Variants in SIK3 observed in about 807,000 individuals in gnomAD.
SIK3 encodes SIK family kinase 3.
In SIK3, 28 loss-of-function variants were observed where a neutral mutation model predicts 144.2. The ratio of observed to expected loss-of-function variants is 0.19; its 90% confidence interval spans 0.14 to 0.27. The LOEUF (loss-of-function observed/expected upper bound fraction) is 0.27. Ranked by LOEUF, SIK3 falls within the 10% of genes least tolerant of loss-of-function variation. The probability of loss-of-function intolerance (pLI) is 1.00; values close to 1 mark genes in which losing one functional copy is unlikely to be tolerated. For missense variants in SIK3, 1,319 were observed against 1,776.0 expected (o/e 0.74, Z 4.62); for synonymous variants, 686 against 676.3 (o/e 1.01, Z -0.22).
intron 3 of SIK3, among the ~76,000 whole-genome samples, chr11:116,929,233 A>G (rs1947460101): frequency 6.6e-6 from 1 of 152,216 alleles, no homozygotes; most frequent in Non-Finnish European, 1.5e-5. Flanking sequence ...TTCTAATAAT[A>G]TGTTTTAGTT....
At chr11:117,005,423 G>A (rs1408189210) in intron 1 of SIK3, among the ~76,000 whole-genome samples, 2 of 150,498 alleles carry the variant, frequency 1.3e-5, no homozygotes, top group Non-Finnish European at 3.0e-5. Context: ...GGTGGGAGGT[G>A]TTTTTGCAAA....
intron 1 of SIK3, among the ~76,000 whole-genome samples, chr11:117,066,758 T>C (rs1370872516): frequency 6.6e-6 from 1 of 152,164 alleles, no homozygotes; most frequent in African/African-American, 2.4e-5. Context: ...GGTCTCGAAC[T>C]CCTGGCTTCA....
chr11:116,920,748 C>T (rs887107684), intron 4 of SIK3, among the ~76,000 whole-genome samples: 5 of 152,114 alleles, frequency 3.3e-5, no homozygotes, highest in African/African-American at 9.7e-5. Flanking sequence ...AACTTCAGTT[C>T]GACAAAGCTG....
At position 116,867,697 on chromosome 11, in the gene SIK3, A is replaced by T. The variant is rs1203434753; in HGVS notation, c.1952+249T>A. 1 of 364,446 alleles carries T rather than the reference A, an allele frequency of 2.7e-6. No individual in the cohort carries two copies. The allele number at this position is 364,446 out of a possible 1,614,324, so 22.6% of individuals were successfully genotyped here. A position where few individuals can be genotyped will look rare whatever the true frequency, so the allele number is the denominator to read the frequency against. On this transcript the variant is annotated intron_variant, in intron 15 of 24. Transcript: ENST00000445177. This position sits in a 1 kb window ranked among gnomAD's most constrained non-coding sequence, Gnocchi z 4.1. ...ATGAATCAACATCTAGAATCATGGG[A>T]ATCAAATGCAGACAATAAACAGGTC... is the stretch of plus-strand genomic sequence containing the variant.
At chr11:116,983,052 T>C (rs1950204293) in intron 1 of SIK3, among the ~76,000 whole-genome samples, 1 of 151,460 alleles carries the variant, frequency 6.6e-6, no homozygotes, top group South Asian at 2.1e-4. Context: ...TCTTATTTCA[T>C]TTCTTAAAAA....
At chr11:116,953,611 T>C (rs1264303592) in intron 3 of SIK3, among the ~76,000 whole-genome samples, 1 of 152,250 alleles carries the variant, frequency 6.6e-6, no homozygotes, top group Non-Finnish European at 1.5e-5. Flanking sequence ...TATAGTTACA[T>C]GTTATATTTA....
rs145846048 is a variant in SIK3, at chr11:116,859,432, G to C, written c.2598C>G (p.Leu866=). 236 of 1,614,110 alleles carry C rather than the reference G, an allele frequency of 1.5e-4. 1 individual carries two copies. Among genetic ancestry groups the C allele is most frequent in the Non-Finnish European group, 1.9e-4 (219 of 1,180,056 alleles). The part of the protein sequence containing the change: ...TIQVQEPVDM[L]SNMPGTAAGS... ...CTGCAGCTGTGCCTGGCATGTTGCT[G>C]AGCATGTCAACAGGCTCTTGGACTT... The change falls in exon 20 of 25, where the codon CTC becomes CTG. Residue 866 remains leucine (L), a synonymous_variant. Coordinates refer to ENST00000445177, the MANE Select transcript of SIK3 (RefSeq NM_001366686.3).
intron 6 of SIK3, among the ~76,000 whole-genome samples, chr11:116,889,808 G>T (rs888365163): frequency 6.6e-6 from 1 of 152,106 alleles, no homozygotes; most frequent in Admixed American, 6.5e-5. Context: ...GAGGTGGGAG[G>T]ATGGCTTGGG....
At chr11:116,896,201 G>T in intron 6 of SIK3, 52 bp downstream of exon 6, 1 of 1,598,152 alleles carries the variant, frequency 6.3e-7, no homozygotes, top group South Asian at 1.1e-5. Context: ...ATAACTGAGT[G>T]GGTCTAACTT....
chr11:117,073,866 G>A (rs1048960444), intron 1 of SIK3, among the ~76,000 whole-genome samples: 2 of 152,188 alleles, frequency 1.3e-5, no homozygotes, highest in African/African-American at 4.8e-5. Context: ...TACCACAGCT[G>A]CTAAGAAAAT....
intron 1 of SIK3, among the ~76,000 whole-genome samples, chr11:117,064,106 G>A (rs901502248): frequency 1.3e-5 from 2 of 152,160 alleles, no homozygotes; most frequent in African/African-American, 2.4e-5. Context: ...TCAGGATAAA[G>A]CCAGGTCAAA....
In SIK3 at chr11:117,016,399, GGAA is replaced by G. The variant is rs1565559519; in HGVS notation, c.274-59338_274-59336del. On this transcript the variant is annotated intron_variant, in intron 1 of 24. Transcript: ENST00000445177. ...GGGAGGGAGAGAGGGAGGGAGGGAA[GGAA>G]GGAAGGAAGGAAGGAAGGAAGGAAG... is the stretch of plus-strand genomic sequence containing the variant. 3.3e-3 allele frequency among the ~76,000 whole-genome samples: 352 copies of G among 107,964 alleles called. 4 individuals are homozygous for G. The highest frequency in any genetic ancestry group is 9.3e-3 in the East Asian group (16 of 1,714). The allele number at this position is 107,964 out of a possible 152,430, so 70.8% of individuals were successfully genotyped here.
intron 1 of SIK3, among the ~76,000 whole-genome samples, chr11:116,968,391 C>G (rs761783111): frequency 5.9e-5 from 9 of 152,200 alleles, no homozygotes; most frequent in Non-Finnish European, 1.2e-4. Flanking sequence ...ATCCACACAC[C>G]TTGGCCTCCC....
intron 21 of SIK3, 55 bp downstream of exon 21, chr11:116,857,755 A>G: frequency 1.9e-6 from 3 of 1,576,768 alleles, no homozygotes; most frequent in Non-Finnish European, 2.6e-6. Context: ...AACATTACTG[A>G]GTCAGTTGAT....
At position 116,862,196 on chromosome 11, in the gene SIK3, G is replaced by A; in HGVS notation, c.2229+6C>T. Reference sequence around the variant, plus strand: ...AAGTTGGAGAAAGCAAAGAGTGAGGGCCTACTTGAATTTGTTGCTGGAGAA... The same window carrying A: ...AAGTTGGAGAAAGCAAAGAGTGAGGACCTACTTGAATTTGTTGCTGGAGAA... On this transcript the variant is annotated splice_donor_region_variant and intron_variant, in intron 17 of 24. Coordinates refer to ENST00000445177, the MANE Select transcript of SIK3 (RefSeq NM_001366686.3). 6.2e-7 allele frequency: 1 copy of A among 1,614,220 alleles called. No individual in the cohort carries two copies. The highest frequency in any genetic ancestry group is 8.5e-7 in the Non-Finnish European group (1 of 1,180,046).
At chr11:116,953,715 C>A (rs1244185340) in intron 3 of SIK3, among the ~76,000 whole-genome samples, 1 of 152,212 alleles carries the variant, frequency 6.6e-6, no homozygotes, top group African/African-American at 2.4e-5. Context: ...TGAGTTCTGT[C>A]GCACTTGGTA....
At chr11:117,091,004 A>G (rs1671597134) in intron 1 of SIK3, among the ~76,000 whole-genome samples, 1 of 152,202 alleles carries the variant, frequency 6.6e-6, no homozygotes, top group Admixed American at 6.5e-5. Context: ...AGGCAAGGGC[A>G]CTGTTTTCTG....
intron 1 of SIK3, among the ~76,000 whole-genome samples, chr11:117,090,545 A>C (rs1159700685): frequency 6.6e-6 from 1 of 152,266 alleles, no homozygotes; most frequent in Non-Finnish European, 1.5e-5. Context: ...AGCCCATCTA[A>C]GAAACATACC....
At chr11:116,995,501 C>A (rs1950635055) in intron 1 of SIK3, among the ~76,000 whole-genome samples, 1 of 151,916 alleles carries the variant, frequency 6.6e-6, no homozygotes, top group Non-Finnish European at 1.5e-5. Context: ...GCGCTCAAGG[C>A]ATCCACCCAC....
Sources: gnomAD v4.1 joint callset for allele counts (sites outside exome capture counted in the v4.1 genomes callset) on GRCh38, gnomAD v4.1.1 for gene constraint, Gnocchi (gnomAD v3.1) non-coding constraint, MANE v1.5 for transcripts, NCBI Gene and HGNC (gene_info 2026-07-23, HGNC 2026-07-21) for gene names.